RAP1GAP2: variants seen among roughly 807,000 people sequenced by gnomAD.
RAP1GAP2 encodes RAP1 GTPase activating protein 2.
In RAP1GAP2, 27 loss-of-function variants were observed where a neutral mutation model predicts 95.0. The observed-to-expected ratio is 0.28, with a 90% confidence interval of 0.21 to 0.39. The LOEUF is 0.39. Among genes scored for constraint, RAP1GAP2 ranks in the 10% least tolerant of loss-of-function variants. The pLI, the probability that RAP1GAP2 is intolerant of heterozygous loss-of-function variation, is 1.00. For synonymous variants in RAP1GAP2, 373 were observed against 380.9 expected, an observed-to-expected ratio of 0.98 and a Z score of 0.24; for missense variants, 771 against 970.0, an observed-to-expected ratio of 0.79 and a Z score of 2.72.
At chr17:2,803,273 T>C (rs1172229402) in intron 2 of RAP1GAP2, among the ~76,000 whole-genome samples, 1 of 152,160 alleles carries the variant, frequency 6.6e-6, no homozygotes, top group Non-Finnish European at 1.5e-5. Context: ...CTTGGGACAG[T>C]GTGTAGCACT....
At chr17:2,863,104 G>A (rs1460170438) in intron 2 of RAP1GAP2, among the ~76,000 whole-genome samples, 1 of 151,716 alleles carries the variant, frequency 6.6e-6, no homozygotes, top group Non-Finnish European at 1.5e-5. Flanking sequence ...CATGGCAGAA[G>A]GAAGAACATG....
At position 3,027,024 on chromosome 17, in the gene RAP1GAP2, C is replaced by A; in HGVS notation, c.2061C>A (p.Ser687Arg). Residue 687 changes from serine (S) to arginine (R), a missense_variant, in exon 22 of 25, where the codon AGC (serine) becomes AGA (arginine). Ser to Arg is a moderately radical substitution (Grantham distance 110, BLOSUM62 -1). Transcript: ENST00000254695. This position sits in a 1 kb window ranked among gnomAD's most constrained non-coding sequence, Gnocchi z 5.2. ...CGTCCCCGAGCAGCGAGAGCCCCAG[C>A]CTGGGGGCAGCTGCCACCCCGATCA... The part of the protein sequence containing the change: ...YSPSPSSESP[S>R]LGAAATPIIM... The A allele has an allele frequency of 6.4e-7, 1 of 1,573,152 alleles. No homozygotes were observed. Among genetic ancestry groups the A allele is most frequent in the Non-Finnish European group, 8.6e-7 (1 of 1,159,638 alleles).
intron 17 of RAP1GAP2, among the ~76,000 whole-genome samples, chr17:3,013,266 G>GA (rs2046625605): frequency 6.6e-6 from 1 of 152,338 alleles, no homozygotes; most frequent in South Asian, 2.1e-4. Context: ...ATGGCAGGTG[G>GA]AGCACAGCAG....
rs910994954 is a variant in RAP1GAP2, at chr17:2,906,968, G to A, written c.165+1600G>A. ...ATAGACGGCAGGCATGACTGCATCC[G>A]CAAGATCAGTCTCATTCTTTCTCTC... On this transcript the variant is annotated intron_variant, in intron 3 of 24. Transcript: ENST00000254695. This position sits in a 1 kb window ranked among gnomAD's most constrained non-coding sequence, Gnocchi z 4.3. 5.9e-5 allele frequency among the ~76,000 whole-genome samples: 9 copies of A among 152,116 alleles called. No homozygotes were observed. Among genetic ancestry groups the A allele is most frequent in the African/African-American group, 4.8e-5 (2 of 41,442 alleles).
At chr17:2,877,707 C>T (rs145009046) in intron 2 of RAP1GAP2, among the ~76,000 whole-genome samples, 1,857 of 152,228 alleles carry the variant, frequency 0.012, 83 homozygotes, top group Admixed American at 0.086. Flanking sequence ...ACTGAGATTG[C>T]GCCACTGTAC....
chr17:2,796,649 G>T lies in RAP1GAP2; in HGVS notation c.44+78G>T. 1 of 1,499,248 alleles carries T rather than the reference G, an allele frequency of 6.7e-7. No homozygotes were observed. Among genetic ancestry groups the T allele is most frequent in the Admixed American group, 2.0e-5 (1 of 50,908 alleles). 92.9% of individuals were successfully genotyped at this position (1,499,248 alleles called of 1,614,324 possible). On this transcript the variant is annotated intron_variant, in intron 1 of 24. Transcript: ENST00000254695. The surrounding 1 kb of genome is among the most constrained non-coding windows in gnomAD (Gnocchi z 4.7). ...AGTCTTGTTAAGTGCATTGGCGGCC[G>T]TGGGAACAGAGGGGCTCGGGCTGTG...
Position 3,026,912 on chromosome 17 carries a change from G to A in RAP1GAP2, c.1981-32G>A, listed in dbSNP as rs1240251763. 10 of 1,543,778 alleles carry A rather than the reference G, an allele frequency of 6.5e-6. No individual in the cohort carries two copies. The South Asian group carries it at 9.6e-5, about 15-fold the overall frequency. On this transcript the variant is annotated intron_variant, in intron 21 of 24. Coordinates refer to ENST00000254695, the MANE Select transcript of RAP1GAP2 (RefSeq NM_015085.5). ...GCGTGGGCGCAGCTGCCGAGGGTGG[G>A]CTGGCCTCGCTCACCCTGCCTCTCT...
intron 3 of RAP1GAP2, among the ~76,000 whole-genome samples, chr17:2,930,790 C>A (rs1406680061): frequency 1.3e-5 from 2 of 152,072 alleles, no homozygotes; most frequent in South Asian, 4.2e-4. Flanking sequence ...AAACAAAATG[C>A]AAAGAAAAAC....
intron 2 of RAP1GAP2, among the ~76,000 whole-genome samples, chr17:2,844,271 C>T (rs112782642): frequency 1.3e-5 from 2 of 152,192 alleles, no homozygotes; most frequent in African/African-American, 4.8e-5. Flanking sequence ...CTGCCCGCCT[C>T]GGCCTCCCAA....
intron 12 of RAP1GAP2, among the ~76,000 whole-genome samples, chr17:2,994,972 T>C (rs2045903307): frequency 6.6e-6 from 1 of 151,414 alleles, no homozygotes; most frequent in Admixed American, 6.6e-5. Flanking sequence ...CACCACCATA[T>C]CTGGCTAACT....
At chr17:2,950,055 C>CT (rs1213181810) in intron 3 of RAP1GAP2, among the ~76,000 whole-genome samples, 1 of 93,336 alleles carries the variant, frequency 1.1e-5, no homozygotes, top group African/African-American at 5.5e-5. Flanking sequence ...TCTTCTTCTT[C>CT]TTCTTCTTTT....
intron 2 of RAP1GAP2, among the ~76,000 whole-genome samples, chr17:2,873,729 C>G (rs1232396710): frequency 6.6e-6 from 1 of 151,948 alleles, no homozygotes; most frequent in Non-Finnish European, 1.5e-5. Flanking sequence ...CGTGAATGTA[C>G]TTAATGCTAC....
At chr17:2,905,468 G>T (rs2042169889) in intron 3 of RAP1GAP2, 100 bp downstream of exon 3, 8 of 1,182,908 alleles carry the variant, frequency 6.8e-6, no homozygotes, top group Non-Finnish European at 9.6e-6. Context: ...GTCCGTCGCA[G>T]TGGGGCTGTG....
chr17:2,916,297 C>T (rs372485555), intron 3 of RAP1GAP2, among the ~76,000 whole-genome samples: 3 of 152,154 alleles, frequency 2.0e-5, no homozygotes, highest in Admixed American at 6.5e-5. Flanking sequence ...GTTTGGCTCC[C>T]GTGGCAGATA....
chr17:2,829,956 C>G (rs995660981), intron 2 of RAP1GAP2, among the ~76,000 whole-genome samples: 2 of 151,828 alleles, frequency 1.3e-5, no homozygotes, highest in African/African-American at 4.8e-5. Flanking sequence ...CTGGCAGTCT[C>G]TTTATTTTAC....
chr17:2,914,032 G>A (rs775030241), intron 3 of RAP1GAP2, among the ~76,000 whole-genome samples: 2 of 151,902 alleles, frequency 1.3e-5, no homozygotes, highest in Non-Finnish European at 2.9e-5. Context: ...TACCACTCCC[G>A]GCTAAGTTTT....
chr17:2,997,500 C>T (rs369146069), intron 13 of RAP1GAP2, among the ~76,000 whole-genome samples: 4 of 152,172 alleles, frequency 2.6e-5, no homozygotes, highest in Admixed American at 6.5e-5. Flanking sequence ...GGCAAGACCC[C>T]GCCTTGCCTT....
At chr17:2,909,389 G>A (rs974610681) in intron 3 of RAP1GAP2, among the ~76,000 whole-genome samples, 3 of 152,154 alleles carry the variant, frequency 2.0e-5, no homozygotes, top group Non-Finnish European at 4.4e-5. Flanking sequence ...ACAGCAGATG[G>A]CCGTGTGTTG....
At chr17:2,835,553 C>T (rs940776283) in intron 2 of RAP1GAP2, among the ~76,000 whole-genome samples, 1 of 152,214 alleles carries the variant, frequency 6.6e-6, no homozygotes, top group African/African-American at 2.4e-5. Context: ...GTGGTTGTCA[C>T]ATCTCTTTTG....
Sources: allele counts gnomAD v4.1 joint callset (sites outside exome capture counted in the v4.1 genomes callset), GRCh38; gene constraint gnomAD v4.1.1; non-coding constraint Gnocchi (gnomAD v3.1); transcripts MANE v1.5; gene names NCBI Gene and HGNC (gene_info 2026-07-23, HGNC 2026-07-21).